Variants in MCTP1 observed in about 807,000 individuals in gnomAD.
MCTP1 encodes the protein multiple C2 and transmembrane domain containing 1, also known as multiple C2 and transmembrane domain-containing protein 1.
MCTP1 carries 69 observed loss-of-function variants against 120.6 expected under a neutral mutation model. That is an observed-to-expected ratio of 0.57 (90% CI 0.47 to 0.70). The LOEUF (loss-of-function observed/expected upper bound fraction) is 0.70, where lower values mean the gene tolerates loss of function less well. Ranked by LOEUF, MCTP1 falls within the 30% of genes least tolerant of loss-of-function variation. The pLI is 0.00. For missense variants in MCTP1, 1,203 were observed against 1,248.8 expected (o/e 0.96, Z 0.55); for synonymous variants, 529 against 493.1 (o/e 1.07, Z -0.96).
At chr5:94,865,383 GT>G (rs1317377571) in intron 17 of MCTP1, among the ~76,000 whole-genome samples, 1 of 151,766 alleles carries the variant, frequency 6.6e-6, no homozygotes, top group Non-Finnish European at 1.5e-5. Context: ...ACATTATAAA[GT>G]TTACTGACTT....
At chr5:95,000,645 C>T (rs902293938) in intron 2 of MCTP1, among the ~76,000 whole-genome samples, 3 of 151,946 alleles carry the variant, frequency 2.0e-5, no homozygotes, top group Admixed American at 6.6e-5. Context: ...TTTTCTATAG[C>T]TGTATAATAT....
chr5:95,269,953 T>C (rs1303403277), intron 1 of MCTP1, among the ~76,000 whole-genome samples: 1 of 152,176 alleles, frequency 6.6e-6, no homozygotes, highest in Non-Finnish European at 1.5e-5. Context: ...GATAGATATA[T>C]TTCGTTTATT....
chr5:94,895,012 G>A (rs1478216794), intron 10 of MCTP1, among the ~76,000 whole-genome samples, 177 bp from the exon 11 acceptor site: 1 of 151,862 alleles, frequency 6.6e-6, no homozygotes, highest in Admixed American at 6.6e-5. Context: ...ATTATCGTAG[G>A]GTCTGTAACT....
chr5:94,850,695 CT>C (rs1379174514), intron 17 of MCTP1, among the ~76,000 whole-genome samples: 1 of 152,022 alleles, frequency 6.6e-6, no homozygotes, highest in African/African-American at 2.4e-5. Context: ...TCTTTTCTTT[CT>C]GAATAATGTA....
intron 1 of MCTP1, among the ~76,000 whole-genome samples, chr5:95,142,052 A>C (rs1759973611): frequency 1.3e-5 from 2 of 151,176 alleles, no homozygotes; most frequent in African/African-American, 4.8e-5. Context: ...CTTTCAAAAA[A>C]CATTTCAAAA....
intron 1 of MCTP1, among the ~76,000 whole-genome samples, chr5:95,044,822 C>G (rs1025430361): frequency 6.7e-6 from 1 of 148,690 alleles, no homozygotes; most frequent in Non-Finnish European, 1.5e-5. Flanking sequence ...CCCCAGACCC[C>G]CTAGTCCGAG....
chr5:94,769,362 A>T (rs954507121), intron 19 of MCTP1, among the ~76,000 whole-genome samples: 1 of 152,224 alleles, frequency 6.6e-6, no homozygotes, highest in Non-Finnish European at 1.5e-5. Flanking sequence ...AATAGCTAGA[A>T]GATTTGAAAT....
rs140269097 is a variant in MCTP1 at position 95,198,085 on chromosome 5, C to T, written c.720+85771G>A. On this transcript the variant is annotated intron_variant, in intron 1 of 22. Transcript: ENST00000515393. ...TTTGATTTCACAGATGCGGAATCCA[C>T]GGATACAGAGGGCTGACTTACATAC... Among the ~76,000 whole-genome samples, 215 of 151,984 alleles carry T rather than the reference C, an allele frequency of 1.4e-3. 1 individual carries two copies. The highest frequency in any genetic ancestry group is 4.7e-3 in the African/African-American group (195 of 41,486).
intron 1 of MCTP1, among the ~76,000 whole-genome samples, chr5:95,207,275 G>A (rs959644456): frequency 1.3e-5 from 2 of 152,130 alleles, no homozygotes; most frequent in African/African-American, 2.4e-5. Flanking sequence ...GAGCAGCAGG[G>A]GTGGTGAATA....
chr5:95,245,535 A>C (rs1756663981), intron 1 of MCTP1, among the ~76,000 whole-genome samples: 1 of 152,210 alleles, frequency 6.6e-6, no homozygotes, highest in Non-Finnish European at 1.5e-5. Flanking sequence ...TGCATGCACA[A>C]GTTTCAATAG....
At chr5:94,799,158 G>C (rs1780680046) in intron 17 of MCTP1, 26 bp from the exon 18 acceptor site, 3 of 1,598,576 alleles carry the variant, frequency 1.9e-6, no homozygotes, top group Non-Finnish European at 8.5e-7. Flanking sequence ...GAGAGAAGAA[G>C]GGATGAGTCA....
chr5:94,821,494 G>A (rs1785645840), intron 17 of MCTP1, among the ~76,000 whole-genome samples: 1 of 152,004 alleles, frequency 6.6e-6, no homozygotes, highest in African/African-American at 2.4e-5. Context: ...TTTTCCTCCT[G>A]TTCTCTAACC....
intron 5 of MCTP1, among the ~76,000 whole-genome samples, chr5:94,933,941 T>C (rs534013457): frequency 6.6e-6 from 1 of 151,974 alleles, no homozygotes; most frequent in Non-Finnish European, 1.5e-5. Context: ...AGTCAGTGAT[T>C]ACCCTAAGTA....
At chr5:95,237,120 C>A (rs761064314) in intron 1 of MCTP1, among the ~76,000 whole-genome samples, 27 of 152,226 alleles carry the variant, frequency 1.8e-4, no homozygotes, top group Non-Finnish European at 3.5e-4. Context: ...AGCCAGAAAT[C>A]CCCCACATCC....
intron 17 of MCTP1, among the ~76,000 whole-genome samples, chr5:94,818,366 C>T (rs1331706885): frequency 1.3e-5 from 2 of 152,170 alleles, no homozygotes; most frequent in Non-Finnish European, 2.9e-5. Flanking sequence ...ACCTGGCCCC[C>T]ATCAGACATA....
intron 17 of MCTP1, among the ~76,000 whole-genome samples, chr5:94,832,444 T>C (rs566513307): frequency 1.3e-5 from 2 of 152,288 alleles, no homozygotes; most frequent in South Asian, 4.1e-4. Flanking sequence ...GCTGGGAAAA[T>C]ATGTCTGTGA....
At chr5:95,202,253 C>T (rs913587481) in intron 1 of MCTP1, among the ~76,000 whole-genome samples, 33 of 152,230 alleles carry the variant, frequency 2.2e-4, no homozygotes, top group Admixed American at 2.0e-3. Context: ...ATCAGAACTC[C>T]AGGCTGTCTG....
rs908456020 is a variant in MCTP1, at chr5:94,945,858, G to T, written c.982-3431C>A. On this transcript the variant is annotated intron_variant, in intron 3 of 22. Transcript: ENST00000515393. ...TGATGAGGAAAGTGTCTTCTGCAAG[G>T]GGGGAAGAGGAAGTGGAGAGGCACT... 2.6e-5 allele frequency among the ~76,000 whole-genome samples: 4 copies of T among 152,316 alleles called. No individual in the cohort carries two copies. The South Asian group carries it at 8.3e-4, about 32-fold the overall frequency.
intron 5 of MCTP1, among the ~76,000 whole-genome samples, chr5:94,937,769 A>T (rs1033999450): frequency 1.3e-5 from 2 of 152,048 alleles, no homozygotes; most frequent in Non-Finnish European, 2.9e-5. Context: ...TTGATTTTAG[A>T]GTATTTAATA....
Sources: gnomAD v4.1 joint callset for allele counts (sites outside exome capture counted in the v4.1 genomes callset) on GRCh38, gnomAD v4.1.1 for gene constraint, MANE v1.5 for transcripts, NCBI Gene and HGNC (gene_info 2026-07-23, HGNC 2026-07-21) for gene names.